Variants in USP31 observed in about 807,000 individuals in gnomAD.
The protein encoded by USP31 is ubiquitin carboxyl-terminal hydrolase 31.
In USP31, 44 loss-of-function variants were observed where a neutral mutation model predicts 119.4. That is an observed-to-expected ratio of 0.37 (90% CI 0.29 to 0.47). The LOEUF is 0.47. Among genes scored for constraint, USP31 ranks in the 20% least tolerant of loss-of-function variants. The pLI is 0.99. For missense variants in USP31, 1,643 were observed against 1,730.2 expected, an observed-to-expected ratio of 0.95 and a Z score of 0.89; for synonymous variants, 749 against 705.6, an observed-to-expected ratio of 1.06 and a Z score of -0.97.
chr16:23,114,248 C>T (rs566547697), intron 1 of USP31, among the ~76,000 whole-genome samples: 26 of 152,012 alleles, frequency 1.7e-4, no homozygotes, highest in African/African-American at 6.3e-4. Context: ...TGCAGATAAG[C>T]CAGAGACAGG....
At chr16:23,134,423 C>G (rs1329519624) in intron 1 of USP31, among the ~76,000 whole-genome samples, 2 of 152,082 alleles carry the variant, frequency 1.3e-5, no homozygotes, top group Non-Finnish European at 1.5e-5. Flanking sequence ...CATTTGTTTT[C>G]AAAACAGCCT....
chr16:23,103,950 A>G (rs1329807849), intron 5 of USP31, among the ~76,000 whole-genome samples: 1 of 152,168 alleles, frequency 6.6e-6, no homozygotes, highest in Non-Finnish European at 1.5e-5. Flanking sequence ...AAACAAACAA[A>G]CAAAACAGAA....
At position 23,083,267 on chromosome 16, in the gene USP31, G is replaced by C. The variant is rs143659321; in HGVS notation, c.1831-710C>G. Among the ~76,000 whole-genome samples, 28 of 152,224 alleles carry C rather than the reference G, an allele frequency of 1.8e-4. No individual in the cohort carries two copies. The East Asian group carries it at 5.2e-3, about 28-fold the overall frequency. ...CACTTCCTGTCCTCCAGCCATACTG[G>C]CTTCATTTCTGTTTGACAGTCTTGC... On this transcript the variant is annotated intron_variant, in intron 11 of 15. Transcript: ENST00000219689.
At chr16:23,144,514 C>G (rs1203769802) in intron 1 of USP31, among the ~76,000 whole-genome samples, 2 of 151,800 alleles carry the variant, frequency 1.3e-5, no homozygotes, top group African/African-American at 2.4e-5. Flanking sequence ...GAGTCTCACT[C>G]TGTCACCCAG....
intron 13 of USP31, among the ~76,000 whole-genome samples, chr16:23,074,664 T>TCC (rs1900484987): frequency 6.6e-6 from 1 of 152,146 alleles, no homozygotes; most frequent in Non-Finnish European, 1.5e-5. Flanking sequence ...CAAACCAGGC[T>TCC]CCATGGAAGT....
chr16:23,079,156 CAAT>C (rs1285828987), intron 13 of USP31: 2 of 152,034 alleles, frequency 1.3e-5, no homozygotes, highest in African/African-American at 4.8e-5. Context: ...GGTTGCACAA[CAAT>C]GTGAGTGTAC....
At position 23,090,749 on chromosome 16, in the gene USP31, T is replaced by G. The variant is rs752292877; in HGVS notation, c.1290A>C (p.Arg430Ser). ...CTGCTGTTTGTGTAGGAGAAGACAG[T>G]CTATGATAATCCAAGCCAAATTTCA... ...NHLKFGLDYH[R>S]LSSPTQTAAK... The change falls in exon 7 of 16, where the codon AGA (arginine) becomes AGC (serine). Residue 430 changes from arginine to serine, a missense_variant. This residue lies in a region of USP31 where 219 missense variants were observed against 226.4 expected (regional missense o/e 0.97). Transcript: ENST00000219689. 2 of 1,611,692 alleles carry G rather than the reference T, an allele frequency of 1.2e-6. No homozygotes were observed. The highest frequency in any genetic ancestry group is 1.7e-6 in the Non-Finnish European group (2 of 1,178,202).
In USP31 at chr16:23,142,031, C is replaced by T. The variant is rs556354753; in HGVS notation, c.633+6607G>A. Reference sequence around the variant, plus strand: ...CTCTATAAGCAGCTAAGTTCTCTGACGGCATGAACCTAGTCCTATAACCTT... The same window carrying T: ...CTCTATAAGCAGCTAAGTTCTCTGATGGCATGAACCTAGTCCTATAACCTT... On this transcript the variant is annotated intron_variant, in intron 1 of 15. Transcript: ENST00000219689. Among the ~76,000 whole-genome samples, 16 of 152,354 alleles carry T rather than the reference C, an allele frequency of 1.1e-4. No individual in the cohort carries two copies. In the South Asian group the frequency reaches 1.4e-3, roughly 14 times the overall value.
At chr16:23,086,393 G>T (rs1901109723) in intron 9 of USP31, among the ~76,000 whole-genome samples, 1 of 151,130 alleles carries the variant, frequency 6.6e-6, no homozygotes, top group Non-Finnish European at 1.5e-5. Context: ...TATATTCATA[G>T]ATACATAGTG....
rs547736834 is a variant in USP31, at chr16:23,140,514, A to G, written c.633+8124T>C. Reference sequence around the variant, plus strand: ...AGGCTCTCTGTCCCCAGACCATGCTATATCTATACCTCTGCTCAGAATATT... The same window carrying G: ...AGGCTCTCTGTCCCCAGACCATGCTGTATCTATACCTCTGCTCAGAATATT... On this transcript the variant is annotated intron_variant, in intron 1 of 15. Coordinates refer to ENST00000219689, the MANE Select transcript of USP31 (RefSeq NM_020718.4). Among the ~76,000 whole-genome samples the G allele has an allele frequency of 3.3e-5, 5 of 152,288 alleles. No individual in the cohort carries two copies. The East Asian group carries it at 7.7e-4, about 23-fold the overall frequency.
rs756545915 is a variant in USP31 at position 23,063,979 on chromosome 16, T to A, written c.*4067A>T. 6.6e-6 allele frequency: 1 copy of A among 152,588 alleles called. No individual in the cohort carries two copies. The highest frequency in any genetic ancestry group is 1.5e-5 in the Non-Finnish European group (1 of 68,022). The allele number at this position is 152,588 out of a possible 1,614,324, so 9.5% of individuals were successfully genotyped here. ...CAAACCATGTAGTAGAGTTTAACAATAATGTACCCTTTATGAAATGAAAGT... is the reference window on the plus strand; with the variant it reads ...CAAACCATGTAGTAGAGTTTAACAAAAATGTACCCTTTATGAAATGAAAGT... On this transcript the variant is annotated 3_prime_UTR_variant, in exon 16 of 16. Transcript: ENST00000219689.
intron 1 of USP31, among the ~76,000 whole-genome samples, chr16:23,140,238 A>C (rs958626130): frequency 3.9e-5 from 6 of 152,126 alleles, no homozygotes; most frequent in Admixed American, 6.6e-5. Flanking sequence ...TCCTCTCCCC[A>C]GTTATCTAAA....
intron 6 of USP31, among the ~76,000 whole-genome samples, chr16:23,100,789 T>C (rs1901818484): frequency 6.6e-6 from 1 of 151,908 alleles, no homozygotes; most frequent in African/African-American, 2.4e-5. Context: ...TGCTTAGAGC[T>C]TGGCAGGATG....
chr16:23,119,102 T>A (rs1169531976), intron 1 of USP31, among the ~76,000 whole-genome samples: 1 of 142,244 alleles, frequency 7.0e-6, no homozygotes, highest in African/African-American at 2.5e-5. Context: ...CTCTTCTTTT[T>A]TTCTTTTTTT....
At chr16:23,133,272 C>T (rs1032572818) in intron 1 of USP31, among the ~76,000 whole-genome samples, 1 of 152,182 alleles carries the variant, frequency 6.6e-6, no homozygotes, top group African/African-American at 2.4e-5. Flanking sequence ...CACGACAGAA[C>T]TGGCCCACCA....
intron 5 of USP31, among the ~76,000 whole-genome samples, chr16:23,104,432 G>A (rs1420259537): frequency 6.6e-6 from 1 of 152,192 alleles, no homozygotes; most frequent in African/African-American, 2.4e-5. Flanking sequence ...AACCAGATTT[G>A]CCCTGGACAC....
rs1222006062 is a variant in USP31, at chr16:23,065,904, T to TA, written c.*2141dup. On this transcript the variant is annotated 3_prime_UTR_variant, in exon 16 of 16. Coordinates refer to ENST00000219689, the MANE Select transcript of USP31 (RefSeq NM_020718.4). The stretch of plus-strand genomic sequence containing the variant: ...GAGACTTCAAATGAGATCTACCTAT[T>TA]AAACAAAAATGAGAGGTTTGAGTTA... The TA allele has an allele frequency of 6.6e-6, 1 of 152,220 alleles. No homozygotes were observed. Among genetic ancestry groups the TA allele is most frequent in the East Asian group, 1.9e-4 (1 of 5,202 alleles). The allele number at this position is 152,220 out of a possible 1,614,324, so 9.4% of individuals were successfully genotyped here. A position where few individuals can be genotyped will look rare whatever the true frequency, so the allele number is the denominator to read the frequency against.
chr16:23,108,051 G>A lies in USP31; in HGVS notation c.766C>T (p.Leu256=), dbSNP rs1321654724. 6.2e-7 allele frequency: 1 copy of A among 1,613,166 alleles called. No homozygotes were observed. Among genetic ancestry groups the A allele is most frequent in the South Asian group, 1.1e-5 (1 of 90,904 alleles). ...AGGGCAGCATGCGTCCTTACCTTCA[G>A]AGGAGGCTGGCCACTCTGCTTCACT... ...HSVKQSGQPP[L]KPPSETDMMP... Residue 256 remains leucine, a synonymous_variant, in exon 2 of 16, where the codon CTG becomes TTG. Transcript: ENST00000219689.
rs1297664290 is a variant in USP31 at position 23,064,159 on chromosome 16, T to C, written c.*3887A>G. ...ATTGAAACTGTGCTTATGACTTGCA[T>C]ACTATTTCAAAAATCCAACCCAGAA... On this transcript the variant is annotated 3_prime_UTR_variant, in exon 16 of 16. Transcript: ENST00000219689. The C allele has an allele frequency of 1.3e-5, 2 of 152,672 alleles. No homozygotes were observed. The highest frequency in any genetic ancestry group is 4.8e-5 in the African/African-American group (2 of 41,460). The allele number at this position is 152,672 out of a possible 1,614,324, so 9.5% of individuals were successfully genotyped here. A position where few individuals can be genotyped will look rare whatever the true frequency, so the allele number is the denominator to read the frequency against.
Sources: allele counts gnomAD v4.1 joint callset (sites outside exome capture counted in the v4.1 genomes callset), GRCh38; gene constraint gnomAD v4.1.1; regional missense constraint gnomAD v4.1.1; transcripts MANE v1.5; gene names NCBI Gene and HGNC (gene_info 2026-07-23, HGNC 2026-07-21).